The following ADAM7 variants were observed in gnomAD, a reference collection of about 807,000 sequenced individuals.
ADAM7 encodes ADAM metallopeptidase domain 7.
ADAM7 carries 97 observed loss-of-function variants against 102.9 expected under a neutral mutation model. That is an observed-to-expected ratio of 0.94 (90% CI 0.80 to 1.12). The LOEUF (loss-of-function observed/expected upper bound fraction) is 1.12. ADAM7 is among the 50% of genes most tolerant of loss of function. The pLI is 0.00. For missense variants in ADAM7, 991 were observed against 908.7 expected, an observed-to-expected ratio of 1.09 and a Z score of -1.16; for synonymous variants, 334 against 304.4, an observed-to-expected ratio of 1.10 and a Z score of -1.01.
chr8:24,490,764 C>T (rs776949968), intron 12 of ADAM7, 35 bp from the exon 13 acceptor site: 27 of 1,599,540 alleles, frequency 1.7e-5, no homozygotes, highest in Non-Finnish European at 2.3e-5. Context: ...AGAGTACATA[C>T]CAATTTCTCA....
rs1417969845 is a variant in ADAM7, at chr8:24,487,274, T to C, written c.1048T>C (p.Cys350Arg). ...TGGGATGCAGCATGACGAGTTCCCATGCACCTGTCCTTCAGGAAAATGCGT... is the reference window on the plus strand; with the variant it reads ...TGGGATGCAGCATGACGAGTTCCCACGCACCTGTCCTTCAGGAAAATGCGT... ...NLGMQHDEFP[C>R]TCPSGKCVMD... The change falls in exon 11 of 22, where the codon TGC becomes CGC. Residue 350 changes from cysteine to arginine, a missense_variant. Physicochemically the swap from Cys to Arg is radical, Grantham distance 180. Coordinates refer to ENST00000175238, the MANE Select transcript of ADAM7 (RefSeq NM_003817.4). 1.2e-6 allele frequency: 2 copies of C among 1,613,876 alleles called. No individual in the cohort carries two copies. Among genetic ancestry groups the C allele is most frequent in the African/African-American group, 1.3e-5 (1 of 75,044 alleles).
chr8:24,463,533 T>C (rs1003707034), intron 3 of ADAM7, among the ~76,000 whole-genome samples: 1 of 152,200 alleles, frequency 6.6e-6, no homozygotes, highest in Non-Finnish European at 1.5e-5. Flanking sequence ...TCTTATGATG[T>C]GATGAATATA....
rs1269956720 is a variant in ADAM7 at position 24,458,939 on chromosome 8, C to T, written c.234-4943C>T. Among the ~76,000 whole-genome samples the T allele has an allele frequency of 3.3e-5, 5 of 151,610 alleles. 1 individual carries two copies. The highest frequency in any genetic ancestry group is 9.6e-5 in the African/African-American group (4 of 41,474). On this transcript the variant is annotated intron_variant, in intron 3 of 21. Transcript: ENST00000175238. ...TAATAAATTATTTTATTTAATTTGC[C>T]AATATCTTATTAAGGGTTTTTGAAA... is the stretch of plus-strand genomic sequence containing the variant.
intron 3 of ADAM7, among the ~76,000 whole-genome samples, chr8:24,456,102 G>C (rs1004690108): frequency 2.6e-5 from 4 of 152,064 alleles, no homozygotes; most frequent in Non-Finnish European, 5.9e-5. Context: ...CTTGGGCTTT[G>C]TACCCTTTGA....
chr8:24,457,513 C>T (rs1206482481), intron 3 of ADAM7, among the ~76,000 whole-genome samples: 1 of 152,070 alleles, frequency 6.6e-6, no homozygotes, highest in Admixed American at 6.6e-5. Flanking sequence ...TAAGCTCAGG[C>T]AATCCACCCG....
At chr8:24,480,716 A>T (rs1367527732) in intron 8 of ADAM7, among the ~76,000 whole-genome samples, 1 of 152,094 alleles carries the variant, frequency 6.6e-6, no homozygotes, top group African/African-American at 2.4e-5. Context: ...GCTATGTAGT[A>T]CTTGATTTCT....
rs750435071 is a variant in ADAM7 at position 24,487,182 on chromosome 8, A to G, written c.961-5A>G. 4.3e-6 allele frequency: 7 copies of G among 1,613,046 alleles called. No individual in the cohort carries two copies. The highest frequency in any genetic ancestry group is 5.9e-6 in the Non-Finnish European group (7 of 1,179,534). On this transcript the variant is annotated splice_region_variant and splice_polypyrimidine_tract_variant and intron_variant, in intron 10 of 21. Coordinates refer to ENST00000175238, the MANE Select transcript of ADAM7 (RefSeq NM_003817.4). ...AAATTTCTAATGCAATTGTTTTATC[A>G]TCAGGATCTTTTACCTGACACAAAC... is the stretch of plus-strand genomic sequence containing the variant.
At chr8:24,443,797 G>A (rs1032470763) in intron 2 of ADAM7, among the ~76,000 whole-genome samples, 5 of 152,036 alleles carry the variant, frequency 3.3e-5, no homozygotes, top group African/African-American at 4.8e-5. Context: ...AATTAGCCAG[G>A]CATGGTGGTG....
intron 6 of ADAM7, among the ~76,000 whole-genome samples, chr8:24,468,545 A>G (rs1037847003): frequency 3.3e-5 from 5 of 152,138 alleles, no homozygotes; most frequent in African/African-American, 9.7e-5. Context: ...AAAAAAAAGA[A>G]CAAATAGAAA....
chr8:24,506,221 A>G (rs1395358405), intron 20 of ADAM7: 2 of 1,282,890 alleles, frequency 1.6e-6, no homozygotes, highest in Non-Finnish European at 2.2e-6. Flanking sequence ...TTTTCATGAA[A>G]CTTAATCATT....
At chr8:24,499,144 C>G in intron 16 of ADAM7, 92 bp from the exon 17 acceptor site, 1 of 904,920 alleles carries the variant, frequency 1.1e-6, no homozygotes, top group Non-Finnish European at 1.6e-6. Context: ...AAATTACATG[C>G]AAAATTGTGC....
intron 20 of ADAM7, among the ~76,000 whole-genome samples, chr8:24,502,810 C>T (rs761115680): frequency 4.6e-5 from 7 of 152,184 alleles, no homozygotes; most frequent in Non-Finnish European, 8.8e-5. Context: ...ATGCATAACA[C>T]TAATTCTACA....
chr8:24,468,804 T>C lies in ADAM7; in HGVS notation c.617T>C (p.Val206Ala). The change falls in exon 7 of 22, where the codon GTT (valine) becomes GCT (alanine). Residue 206 changes from valine (V) to alanine (A), a missense_variant. Transcript: ENST00000175238. ...GAAAAGTATGTTGAATTGTTCATTG[T>C]TGCTGATGATACTGTGGTAAGTTTT... ...HDEKYVELFI[V>A]ADDTVYRRNG... 6.2e-7 allele frequency: 1 copy of C among 1,613,296 alleles called. No individual in the cohort carries two copies.
intron 16 of ADAM7, 142 bp from the exon 17 acceptor site, chr8:24,499,092 TAA>T: frequency 1.6e-6 from 1 of 614,970 alleles, no homozygotes; most frequent in East Asian, 3.0e-5. Context: ...AAAAATTACA[TAA>T]CTTATAATTA....
Position 24,468,947 on chromosome 8 carries a change from T to C in ADAM7, c.633+127T>C. On this transcript the variant is annotated intron_variant, in intron 7 of 21. Coordinates refer to ENST00000175238, the MANE Select transcript of ADAM7 (RefSeq NM_003817.4). Reference sequence around the variant, plus strand: ...TAGGCTCAAAGTCCTATTTTTAGCTTCCCAAAACAGACATACATAAGAGAT... The same window carrying C: ...TAGGCTCAAAGTCCTATTTTTAGCTCCCCAAAACAGACATACATAAGAGAT... 5.9e-6 allele frequency: 5 copies of C among 849,154 alleles called. No homozygotes were observed. The South Asian group carries it at 8.4e-5, about 14-fold the overall frequency. 52.6% of individuals were successfully genotyped at this position (849,154 alleles called of 1,614,324 possible). A position where few individuals can be genotyped will look rare whatever the true frequency, so the allele number is the denominator to read the frequency against.
Position 24,493,219 on chromosome 8 carries a change from G to A in ADAM7, c.1832G>A (p.Gly611Glu). Residue 611 changes from glycine (G) to glutamate (E), a missense_variant, in exon 16 of 22, where the codon GGA (glycine) becomes GAA (glutamate). Coordinates refer to ENST00000175238, the MANE Select transcript of ADAM7 (RefSeq NM_003817.4). ...CTGGTGGCGTCAGGAACAAAATGTGGAGAGGGAATGGTAAGACAAAAGCCC... is the reference window on the plus strand; with the variant it reads ...CTGGTGGCGTCAGGAACAAAATGTGAAGAGGGAATGGTAAGACAAAAGCCC... ...IGLVASGTKCGEGMVCNNGEC... is the reference protein window; with the variant it reads ...IGLVASGTKCEEGMVCNNGEC... The A allele has an allele frequency of 6.2e-7, 1 of 1,601,404 alleles. No individual in the cohort carries two copies. The highest frequency in any genetic ancestry group is 2.3e-5 in the East Asian group (1 of 44,362).
At chr8:24,506,924 G>A (rs1262611024) in intron 20 of ADAM7, among the ~76,000 whole-genome samples, 3 of 152,070 alleles carry the variant, frequency 2.0e-5, no homozygotes, top group Non-Finnish European at 4.4e-5. Flanking sequence ...TTTCAACTTT[G>A]TATTTTTAAA....
At position 24,442,469 on chromosome 8, in the gene ADAM7, G is replaced by A. The variant is rs748995986; in HGVS notation, c.53-4G>A. On this transcript the variant is annotated splice_polypyrimidine_tract_variant and splice_region_variant and intron_variant, in intron 1 of 21. Transcript: ENST00000175238. Reference sequence around the variant, plus strand: ...GGATTTTTTCCTCTTATGTTTCCTCGTAGAAAAGTTCATCCTTGGAGTAGA... The same window carrying A: ...GGATTTTTTCCTCTTATGTTTCCTCATAGAAAAGTTCATCCTTGGAGTAGA... 19 of 1,606,088 alleles carry A rather than the reference G, an allele frequency of 1.2e-5. No individual in the cohort carries two copies. Among genetic ancestry groups the A allele is most frequent in the Admixed American group, 8.3e-5 (5 of 60,002 alleles).
intron 7 of ADAM7, among the ~76,000 whole-genome samples, chr8:24,473,739 C>CA (rs1819681421): frequency 6.6e-6 from 1 of 151,804 alleles, no homozygotes; most frequent in South Asian, 2.1e-4. Flanking sequence ...TTCAAATGTC[C>CA]AAAAAATATT....
Sources: gnomAD v4.1 joint callset for allele counts (sites outside exome capture counted in the v4.1 genomes callset) on GRCh38, gnomAD v4.1.1 for gene constraint, MANE v1.5 for transcripts, NCBI Gene and HGNC (gene_info 2026-07-23, HGNC 2026-07-21) for gene names.